Variants in TMEM200A observed in about 807,000 individuals in gnomAD.
TMEM200A encodes two transmembrane C.
TMEM200A carries 12 observed loss-of-function variants against 24.3 expected under a neutral mutation model. That is an observed-to-expected ratio of 0.49 (90% CI 0.32 to 0.80). The LOEUF (loss-of-function observed/expected upper bound fraction) is 0.80. Ranked by LOEUF, TMEM200A falls within the 30% of genes least tolerant of loss-of-function variation. TMEM200A has a pLI of 0.04. For synonymous variants in TMEM200A, 224 were observed against 224.4 expected, an observed-to-expected ratio of 1.00 and a Z score of 0.02; for missense variants, 545 against 614.4, an observed-to-expected ratio of 0.89 and a Z score of 1.19.
intron 2 of TMEM200A, among the ~76,000 whole-genome samples, chr6:130,413,404 G>T (rs1409161051): frequency 6.6e-6 from 1 of 152,142 alleles, no homozygotes; most frequent in Admixed American, 6.5e-5. Flanking sequence ...AGGCATTTCA[G>T]ACTCGCATGC....
chr6:130,431,955 G>T (rs149023163), intron 2 of TMEM200A, among the ~76,000 whole-genome samples: 1 of 152,022 alleles, frequency 6.6e-6, no homozygotes, highest in East Asian at 1.9e-4. Flanking sequence ...TAAACATTTT[G>T]TACTTCCTTT....
At chr6:130,431,626 T>G (rs1211039203) in intron 2 of TMEM200A, among the ~76,000 whole-genome samples, 1 of 152,116 alleles carries the variant, frequency 6.6e-6, no homozygotes, top group East Asian at 1.9e-4. Context: ...TCCCACAGGG[T>G]CTCAGCAGGG....
chr6:130,440,657 G>A lies in TMEM200A; in HGVS notation c.235G>A (p.Ala79Thr). Residue 79 changes from alanine to threonine, a missense_variant, in exon 3 of 3, where the codon GCC (alanine) becomes ACC (threonine). Physicochemically the swap from Ala to Thr is moderately conservative, Grantham distance 58 (BLOSUM62 0). Transcript: ENST00000296978. ...VLISIIGIAM[A>T]VLGYWPQKEH... ...CATCTCCATTATAGGAATTGCTATGGCCGTTCTTGGATATTGGCCCCAAAA... is the reference window on the plus strand; with the variant it reads ...CATCTCCATTATAGGAATTGCTATGACCGTTCTTGGATATTGGCCCCAAAA... The A allele has an allele frequency of 6.2e-7, 1 of 1,613,786 alleles. No homozygotes were observed. The highest frequency in any genetic ancestry group is 1.7e-5 in the Admixed American group (1 of 60,010).
chr6:130,385,975 A>G (rs1279963546), intron 2 of TMEM200A, among the ~76,000 whole-genome samples: 2 of 152,154 alleles, frequency 1.3e-5, no homozygotes, highest in African/African-American at 2.4e-5. Context: ...TGTTTTGTAT[A>G]TTGGTAAGGG....
At chr6:130,369,298 G>A (rs1778258299) in intron 1 of TMEM200A, among the ~76,000 whole-genome samples, 1 of 152,188 alleles carries the variant, frequency 6.6e-6, no homozygotes, top group Non-Finnish European at 1.5e-5. Flanking sequence ...ATACTGCAAA[G>A]CACATCTGCA....
rs1240106642 is a variant in TMEM200A at position 130,366,692 on chromosome 6, C to T, written c.-81+168C>T. On this transcript the variant is annotated intron_variant, in intron 1 of 2. Coordinates refer to ENST00000296978, the MANE Select transcript of TMEM200A (RefSeq NM_001258277.2). The surrounding 1 kb of genome is among the most constrained non-coding windows in gnomAD (Gnocchi z 4.4). The stretch of plus-strand genomic sequence containing the variant: ...AAGTTTGGGAAATAAACCAAGTCCG[C>T]CATCAGGTCCAGACTCCCCAGTCCC... The T allele has an allele frequency of 3.5e-6, 2 of 578,374 alleles. No individual in the cohort carries two copies. Among genetic ancestry groups the T allele is most frequent in the Admixed American group, 6.3e-5 (1 of 15,776 alleles). 35.8% of individuals were successfully genotyped at this position (578,374 alleles called of 1,614,324 possible). A position where few individuals can be genotyped will look rare whatever the true frequency, so the allele number is the denominator to read the frequency against.
At position 130,441,367 on chromosome 6, in the gene TMEM200A, C is replaced by T. The variant is rs763497454; in HGVS notation, c.945C>T (p.Leu315=). The T allele has an allele frequency of 3.8e-5, 61 of 1,613,992 alleles. No homozygotes were observed. The highest frequency in any genetic ancestry group is 1.6e-4 in the Middle Eastern group (1 of 6,082). Residue 315 remains leucine (L), a synonymous_variant, in exon 3 of 3, where the codon CTC becomes CTT. Coordinates refer to ENST00000296978, the MANE Select transcript of TMEM200A (RefSeq NM_001258277.2). ...IDNITEDADN[L]KSRSRNLSMD... ...ACATCACTGAAGATGCTGACAACCTCAAAAGTAGGTCAAGGAATTTGTCAA... is the reference window on the plus strand; with the variant it reads ...ACATCACTGAAGATGCTGACAACCTTAAAAGTAGGTCAAGGAATTTGTCAA...
intron 1 of TMEM200A, among the ~76,000 whole-genome samples, chr6:130,374,859 C>A (rs565907718): frequency 6.6e-6 from 1 of 152,222 alleles, no homozygotes; most frequent in South Asian, 2.1e-4. Context: ...CATCACAGTA[C>A]CTAGTTTTAT....
intron 2 of TMEM200A, among the ~76,000 whole-genome samples, chr6:130,425,994 C>CTATT (rs1281459256): frequency 1.3e-5 from 2 of 152,014 alleles, no homozygotes; most frequent in African/African-American, 2.4e-5. Flanking sequence ...ACTCATAACA[C>CTATT]TATTAGTATT....
chr6:130,372,169 C>G (rs1348122129), intron 1 of TMEM200A, among the ~76,000 whole-genome samples: 1 of 152,108 alleles, frequency 6.6e-6, no homozygotes, highest in Non-Finnish European at 1.5e-5. Context: ...AGGGAGTCAT[C>G]CTGGTGCTAG....
At chr6:130,389,415 C>CATTAATTTTAGATACATAA (rs1778784967) in intron 2 of TMEM200A, among the ~76,000 whole-genome samples, 1 of 151,794 alleles carries the variant, frequency 6.6e-6, no homozygotes, top group Admixed American at 6.6e-5. Context: ...ACTCACAACT[C>CATTAATTTTAGATACATAA]TATATCCTAC....
chr6:130,388,839 A>G (rs914732731), intron 2 of TMEM200A, among the ~76,000 whole-genome samples: 4 of 152,226 alleles, frequency 2.6e-5, no homozygotes, highest in African/African-American at 9.6e-5. Context: ...AAGTGTGTTT[A>G]TAAAATCACC....
In TMEM200A at chr6:130,390,067, A is replaced by T. The variant is rs375340687; in HGVS notation, c.-17+4831A>T. On this transcript the variant is annotated intron_variant, in intron 2 of 2. Coordinates refer to ENST00000296978, the MANE Select transcript of TMEM200A (RefSeq NM_001258277.2). ...TCTTAGATGTTCTGTTTAACCATGA[A>T]TTGCTGTAAATGCTTATCAGTTTTC... Among the ~76,000 whole-genome samples, 6 of 152,332 alleles carry T rather than the reference A, an allele frequency of 3.9e-5. No homozygotes were observed. The South Asian group carries it at 8.3e-4, about 21-fold the overall frequency.
chr6:130,391,731 C>CTTT (rs773093362), intron 2 of TMEM200A, among the ~76,000 whole-genome samples: 35 of 81,858 alleles, frequency 4.3e-4, no homozygotes, highest in Non-Finnish European at 6.4e-4. Flanking sequence ...TTCAAGATTC[C>CTTT]TTTTTTTTTT....
intron 2 of TMEM200A, among the ~76,000 whole-genome samples, chr6:130,409,132 T>C (rs182574551): frequency 3.2e-4 from 49 of 152,338 alleles, no homozygotes; most frequent in African/African-American, 1.2e-3. Flanking sequence ...TTCCAAGGCT[T>C]CATGGTGGTC....
chr6:130,408,997 G>A (rs941995442), intron 2 of TMEM200A, among the ~76,000 whole-genome samples: 13 of 152,046 alleles, frequency 8.6e-5, no homozygotes, highest in Non-Finnish European at 1.8e-4. Context: ...AGATATGAAC[G>A]CCAGGCCAGC....
chr6:130,377,791 C>T (rs1778496452), intron 1 of TMEM200A, among the ~76,000 whole-genome samples: 1 of 152,060 alleles, frequency 6.6e-6, no homozygotes, highest in Admixed American at 6.5e-5. Context: ...CCTTATATTC[C>T]AGCTGGGGAA....
intron 2 of TMEM200A, among the ~76,000 whole-genome samples, chr6:130,436,315 C>G (rs185511157): frequency 4.2e-4 from 64 of 151,874 alleles, no homozygotes; most frequent in Admixed American, 2.4e-3. Context: ...GCAGTATGGG[C>G]TGTTATTACT....
Position 130,366,632 on chromosome 6 carries a change from C to T in TMEM200A, c.-81+108C>T. On this transcript the variant is annotated intron_variant, in intron 1 of 2. Transcript: ENST00000296978. This position sits in a 1 kb window ranked among gnomAD's most constrained non-coding sequence, Gnocchi z 4.4. Reference sequence around the variant, plus strand: ...CTCTGCCCTCCCCTCCCCTCCGCTACAGCCTCCAGAGTTAGGTAAACGCTG... The same window carrying T: ...CTCTGCCCTCCCCTCCCCTCCGCTATAGCCTCCAGAGTTAGGTAAACGCTG... 1.1e-6 allele frequency: 1 copy of T among 924,226 alleles called. No homozygotes were observed. Among genetic ancestry groups the T allele is most frequent in the Non-Finnish European group, 1.3e-6 (1 of 774,068 alleles). 57.3% of individuals were successfully genotyped at this position (924,226 alleles called of 1,614,324 possible). A position where few individuals can be genotyped will look rare whatever the true frequency, so the allele number is the denominator to read the frequency against.
Sources: gnomAD v4.1 joint callset for allele counts (sites outside exome capture counted in the v4.1 genomes callset) on GRCh38, gnomAD v4.1.1 for gene constraint, Gnocchi (gnomAD v3.1) non-coding constraint, MANE v1.5 for transcripts, NCBI Gene and HGNC (gene_info 2026-07-23, HGNC 2026-07-21) for gene names.